KIAA2012: variants seen among roughly 807,000 people sequenced by gnomAD.
KIAA2012 encodes the protein KIAA2012, also known as uncharacterized protein KIAA2012.
A neutral mutation model predicts 150.6 loss-of-function variants in KIAA2012; 125 were observed. The ratio of observed to expected loss-of-function variants is 0.83; its 90% CI spans 0.72 to 0.96. The LOEUF (loss-of-function observed/expected upper bound fraction) is 0.96. Among genes scored for constraint, KIAA2012 ranks in the 40% least tolerant of loss-of-function variants. KIAA2012 has a pLI of 0.00. For synonymous variants in KIAA2012, 462 were observed against 504.7 expected (o/e 0.92, Z 1.13); for missense variants, 1,219 against 1,354.9 (o/e 0.90, Z 1.57).
At chr2:202,093,561 A>G (rs1018117786) in intron 4 of KIAA2012, among the ~76,000 whole-genome samples, 2 of 152,190 alleles carry the variant, frequency 1.3e-5, no homozygotes, top group African/African-American at 4.8e-5. Flanking sequence ...ATGATTTCTT[A>G]GATCTGTTCC....
rs1424851466 is a variant in KIAA2012, at chr2:202,102,994, G to A, written c.1204G>A (p.Val402Ile). The A allele has an allele frequency of 5.2e-6, 8 of 1,550,470 alleles. No individual in the cohort carries two copies. The highest frequency in any genetic ancestry group is 7.0e-6 in the Non-Finnish European group (8 of 1,147,000). ...LPPISEEPPR[V>I]LEPLKSQFKA... The stretch of plus-strand genomic sequence containing the variant: ...TCCTATCTCAGAAGAACCACCCAGA[G>A]TCTTGGAGCCCCTGAAGAGCCAATT... The change falls in exon 8 of 24, where the codon GTC becomes ATC. Residue 402 changes from valine to isoleucine, a missense_variant. By Grantham distance (29) the Val-to-Ile change is conservative. Transcript: ENST00000498697.
chr2:202,105,321 G>A (rs950374949), intron 8 of KIAA2012, among the ~76,000 whole-genome samples: 5 of 152,088 alleles, frequency 3.3e-5, no homozygotes, highest in African/African-American at 9.7e-5. Flanking sequence ...CAAGAATCAG[G>A]TAACTGCAGG....
At chr2:202,124,369 A>T (rs1209308252) in intron 11 of KIAA2012, among the ~76,000 whole-genome samples, 3 of 151,986 alleles carry the variant, frequency 2.0e-5, no homozygotes, top group Non-Finnish European at 4.4e-5. Flanking sequence ...TTCTCACCCC[A>T]GGTGACTAGC....
chr2:202,204,058 C>T (rs1263891278), intron 23 of KIAA2012, among the ~76,000 whole-genome samples: 7 of 147,258 alleles, frequency 4.8e-5, no homozygotes, highest in Admixed American at 2.1e-4. Context: ...CGTGAGCCAC[C>T]GCACCCAGCG....
Position 202,090,891 on chromosome 2 carries a change from C to G in KIAA2012, c.491C>G (p.Thr164Ser). The G allele has an allele frequency of 6.4e-7, 1 of 1,550,466 alleles. No homozygotes were observed. Among genetic ancestry groups the G allele is most frequent in the South Asian group, 1.2e-5 (1 of 84,058 alleles). ...AGATACCTCCGAGGCCTCCTGCGGA[C>G]TTGGCCCCCAGACGCCATGTATAGG... ...AKRYLRGLLR[T>S]WPPDAMYRLW... Residue 164 changes from threonine to serine, a missense_variant, in exon 3 of 24, where the codon ACT becomes AGT. Thr to Ser is a moderately conservative substitution (Grantham distance 58, BLOSUM62 1). Transcript: ENST00000498697.
chr2:202,201,389 G>A (rs1183116373), intron 22 of KIAA2012: 2 of 1,586,924 alleles, frequency 1.3e-6, no homozygotes, highest in South Asian at 1.1e-5. Flanking sequence ...CTCACCAGAT[G>A]GTGTAGCCAC....
At chr2:202,103,158 T>TGGG in intron 8 of KIAA2012, 44 bp downstream of exon 8, 1 of 1,533,826 alleles carries the variant, frequency 6.5e-7, no homozygotes, top group Non-Finnish European at 8.8e-7. Flanking sequence ...GAGCCTGGGA[T>TGGG]GGGGGGTCCT....
At position 202,201,334 on chromosome 2, in the gene KIAA2012, T is replaced by G; in HGVS notation, c.3408-1095T>G. 1.0e-5 allele frequency: 16 copies of G among 1,584,902 alleles called. No homozygotes were observed. In the South Asian group the frequency reaches 1.8e-4, roughly 18 times the overall value. On this transcript the variant is annotated intron_variant, in intron 22 of 23. Coordinates refer to ENST00000498697, the MANE Select transcript of KIAA2012 (RefSeq NM_001277372.4). Reference sequence around the variant, plus strand: ...ACAGCAGTTACATTGTGAGAAGTGCTGAAGGTATGTGATGTCTTTCCCGGC... The same window carrying G: ...ACAGCAGTTACATTGTGAGAAGTGCGGAAGGTATGTGATGTCTTTCCCGGC...
rs1690179001 is a variant in KIAA2012, at chr2:202,105,915, C to T, written c.1474+5C>T. 2 of 1,550,916 alleles carry T rather than the reference C, an allele frequency of 1.3e-6. No individual in the cohort carries two copies. Among genetic ancestry groups the T allele is most frequent in the Non-Finnish European group, 1.7e-6 (2 of 1,147,070 alleles). ...GGGACACACTCTCACCTCAAGGTAG[C>T]TCCTCCCTCCCTCCAGCATCCCTCG... On this transcript the variant is annotated splice_donor_5th_base_variant and intron_variant, in intron 9 of 23. Transcript: ENST00000498697.
chr2:202,094,865 A>G (rs886971187), intron 4 of KIAA2012, among the ~76,000 whole-genome samples: 2 of 152,134 alleles, frequency 1.3e-5, no homozygotes, highest in Non-Finnish European at 2.9e-5. Context: ...CACCTGAGGG[A>G]TAAAGTGACT....
chr2:202,107,780 C>T (rs544930178), intron 9 of KIAA2012, among the ~76,000 whole-genome samples: 212 of 152,210 alleles, frequency 1.4e-3, no homozygotes, highest in African/African-American at 4.9e-3. Flanking sequence ...GAGGCCAAGG[C>T]GGCAGATCAC....
chr2:202,159,973 T>C (rs1446033920), intron 14 of KIAA2012, among the ~76,000 whole-genome samples: 1 of 152,206 alleles, frequency 6.6e-6, no homozygotes, highest in Non-Finnish European at 1.5e-5. Flanking sequence ...GAAAGGAACA[T>C]TCACTGATCC....
rs926766566 is a variant in KIAA2012, at chr2:202,073,636, G to T, written c.9G>T (p.Thr3=). The T allele has an allele frequency of 1.9e-6, 3 of 1,550,148 alleles. No individual in the cohort carries two copies. Among genetic ancestry groups the T allele is most frequent in the South Asian group, 2.4e-5 (2 of 84,016 alleles). MF[T]LSLLSRGHGK... ...GGTGGTCAGAGGGAAACATGTTCACGCTCTCCCTCCTGAGCCGGGGCCACG... is the reference window on the plus strand; with the variant it reads ...GGTGGTCAGAGGGAAACATGTTCACTCTCTCCCTCCTGAGCCGGGGCCACG... The change falls in exon 1 of 24, where the codon ACG becomes ACT. Residue 3 remains threonine, a synonymous_variant. Coordinates refer to ENST00000498697, the MANE Select transcript of KIAA2012 (RefSeq NM_001277372.4).
chr2:202,146,037 C>A (rs189020047), intron 13 of KIAA2012, among the ~76,000 whole-genome samples: 23 of 152,206 alleles, frequency 1.5e-4, no homozygotes, highest in African/African-American at 5.3e-4. Flanking sequence ...TTTTACTATG[C>A]ACAGGGTTTA....
At chr2:202,090,955 A>G in intron 3 of KIAA2012, 26 bp downstream of exon 3, 2 of 1,525,210 alleles carry the variant, frequency 1.3e-6, no homozygotes, top group Non-Finnish European at 8.9e-7. Flanking sequence ...GGAGGGGGGC[A>G]CACCCCAAAC....
chr2:202,158,098 C>G (rs1180920949), intron 14 of KIAA2012, among the ~76,000 whole-genome samples: 1 of 152,038 alleles, frequency 6.6e-6, no homozygotes, highest in East Asian at 1.9e-4. Flanking sequence ...GGGTTCATGC[C>G]ATTCTCCTGC....
intron 22 of KIAA2012, among the ~76,000 whole-genome samples, chr2:202,199,333 C>T (rs984248147): frequency 1.3e-5 from 2 of 152,130 alleles, no homozygotes; most frequent in Non-Finnish European, 2.9e-5. Flanking sequence ...AGTACAGTGG[C>T]ACAATGTTGG....
At chr2:202,189,581 C>T (rs1043971835) in intron 18 of KIAA2012, among the ~76,000 whole-genome samples, 6 of 152,034 alleles carry the variant, frequency 3.9e-5, no homozygotes, top group Admixed American at 6.6e-5. Flanking sequence ...TGAGCCACCA[C>T]GCCCGGCTGA....
chr2:202,089,710 G>A (rs1689667954), intron 2 of KIAA2012, among the ~76,000 whole-genome samples: 1 of 152,192 alleles, frequency 6.6e-6, no homozygotes, highest in Non-Finnish European at 1.5e-5. Context: ...TGAAGTTCAA[G>A]AATAGAACAA....
Sources: allele counts gnomAD v4.1 joint callset (sites outside exome capture counted in the v4.1 genomes callset), GRCh38; gene constraint gnomAD v4.1.1; transcripts MANE v1.5; gene names NCBI Gene and HGNC (gene_info 2026-07-23, HGNC 2026-07-21).